Variants in TACR1 observed in about 807,000 individuals in gnomAD.
TACR1 encodes substance-P receptor.
TACR1 carries 25 observed loss-of-function variants against 35.8 expected under a neutral mutation model. The ratio of observed to expected loss-of-function variants is 0.70; its 90% CI spans 0.51 to 0.98. The LOEUF is 0.98. Ranked by LOEUF, TACR1 falls within the 50% of genes least tolerant of loss-of-function variation. TACR1 has a pLI of 0.00. For synonymous variants in TACR1, 195 were observed against 206.7 expected (o/e 0.94, Z 0.48); for missense variants, 478 against 522.9 (o/e 0.91, Z 0.84).
At position 75,049,823 on chromosome 2, in the gene TACR1, G is replaced by C. The variant is rs1558535805; in HGVS notation, c.933-100C>G. 5.4e-6 allele frequency: 7 copies of C among 1,296,102 alleles called. No individual in the cohort carries two copies. The Admixed American group carries it at 1.3e-4, about 24-fold the overall frequency. 80.3% of individuals were successfully genotyped at this position (1,296,102 alleles called of 1,614,324 possible). A position where few individuals can be genotyped will look rare whatever the true frequency, so the allele number is the denominator to read the frequency against. On this transcript the variant is annotated intron_variant, in intron 4 of 4. Transcript: ENST00000305249. Reference sequence around the variant, plus strand: ...TGTTAACACATGGACATACCCAAGCGTGATTCTGTTATTGTTTTTAAAATT... The same window carrying C: ...TGTTAACACATGGACATACCCAAGCCTGATTCTGTTATTGTTTTTAAAATT...
At chr2:75,139,454 A>G (rs569445167) in intron 1 of TACR1, among the ~76,000 whole-genome samples, 41 of 152,324 alleles carry the variant, frequency 2.7e-4, no homozygotes, top group African/African-American at 9.6e-4. Flanking sequence ...AGGAGAATCT[A>G]TGCTGGCTGG....
chr2:75,137,505 C>T (rs1674316435), intron 1 of TACR1, among the ~76,000 whole-genome samples: 1 of 151,808 alleles, frequency 6.6e-6, no homozygotes, highest in Non-Finnish European at 1.5e-5. Flanking sequence ...GTGGGCGGAT[C>T]ACGAGGTCAG....
At chr2:75,094,859 A>ATATATATATATATATATATTTTTTTT in intron 2 of TACR1, among the ~76,000 whole-genome samples, 2 of 113,106 alleles carry the variant, frequency 1.8e-5, no homozygotes, top group African/African-American at 9.6e-5. Flanking sequence ...ATATATATAT[A>ATATATATATATATATATATTTTTTTT]TTTTTTTTTT....
At chr2:75,100,879 A>G (rs1673522804) in intron 2 of TACR1, among the ~76,000 whole-genome samples, 1 of 152,234 alleles carries the variant, frequency 6.6e-6, no homozygotes, top group Non-Finnish European at 1.5e-5. Flanking sequence ...TTGGTAACAT[A>G]AATGTGTCCC....
At chr2:75,050,089 A>T (rs912944639) in intron 4 of TACR1, among the ~76,000 whole-genome samples, 3 of 152,222 alleles carry the variant, frequency 2.0e-5, no homozygotes, top group African/African-American at 7.2e-5. Flanking sequence ...TGTGCTAGTT[A>T]CTGGGTGGTA....
intron 1 of TACR1, among the ~76,000 whole-genome samples, chr2:75,125,802 C>T (rs1674060375): frequency 6.6e-6 from 1 of 152,160 alleles, no homozygotes. Flanking sequence ...CTGGAATTGG[C>T]TCTTCAGAAT....
rs1216944771 is a variant in TACR1, at chr2:75,067,097, C to A, written c.585-13342G>T. 7.2e-5 allele frequency among the ~76,000 whole-genome samples: 11 copies of A among 152,220 alleles called. No homozygotes were observed. In the East Asian group the frequency reaches 1.7e-3, roughly 24 times the overall value. ...TTGAATGGAGAGGGTCCGAGGGGAG[C>A]AGTGGGAGATTATGAGAGCAGGAGG... is the stretch of plus-strand genomic sequence containing the variant. On this transcript the variant is annotated intron_variant, in intron 2 of 4. Transcript: ENST00000305249.
intron 2 of TACR1, among the ~76,000 whole-genome samples, chr2:75,109,282 G>GGA (rs1478408405): frequency 6.6e-6 from 1 of 152,120 alleles, no homozygotes; most frequent in Non-Finnish European, 1.5e-5. Flanking sequence ...GACTAATGAG[G>GGA]GAGAGGGCAG....
chr2:75,116,485 T>C (rs1470281900), intron 2 of TACR1, among the ~76,000 whole-genome samples: 1 of 152,188 alleles, frequency 6.6e-6, no homozygotes, highest in Non-Finnish European at 1.5e-5. Context: ...TTAAGAGCAA[T>C]GCTGATGGGA....
At chr2:75,163,225 C>CA (rs1235456396) in intron 1 of TACR1, among the ~76,000 whole-genome samples, 1 of 152,218 alleles carries the variant, frequency 6.6e-6, no homozygotes, top group Non-Finnish European at 1.5e-5. Flanking sequence ...GGAGAGCAAG[C>CA]ACCAAAGTGC....
intron 1 of TACR1, among the ~76,000 whole-genome samples, chr2:75,135,297 T>C (rs1674256446): frequency 6.6e-6 from 1 of 152,248 alleles, no homozygotes; most frequent in South Asian, 2.1e-4. Flanking sequence ...TAAGGATTGA[T>C]AGTATTTACT....
chr2:75,166,758 T>C (rs1041708184), intron 1 of TACR1, among the ~76,000 whole-genome samples: 1 of 152,170 alleles, frequency 6.6e-6, no homozygotes, highest in Non-Finnish European at 1.5e-5. Context: ...CCTCTTTTAT[T>C]TGGTTCAGGT....
chr2:75,150,033 G>A (rs2103963345), intron 1 of TACR1, among the ~76,000 whole-genome samples: 1 of 152,256 alleles, frequency 6.6e-6, no homozygotes, highest in Non-Finnish European at 1.5e-5. Context: ...TTTATGTGAT[G>A]GATTATGCTT....
At chr2:75,051,181 G>A (rs1234780707) in intron 4 of TACR1, 70 bp downstream of exon 4, 3 of 1,600,616 alleles carry the variant, frequency 1.9e-6, no homozygotes, top group Non-Finnish European at 2.6e-6. Flanking sequence ...CATTTAGGAT[G>A]GCCGCTTGGC....
intron 3 of TACR1, among the ~76,000 whole-genome samples, chr2:75,053,135 A>G (rs1233014468): frequency 6.6e-6 from 1 of 152,152 alleles, no homozygotes; most frequent in Non-Finnish European, 1.5e-5. Context: ...GAGCTGCTCC[A>G]TCACTGCAAA....
At position 75,105,213 on chromosome 2, in the gene TACR1, A is replaced by G. The variant is rs185307795; in HGVS notation, c.584+15361T>C. 2.0e-5 allele frequency among the ~76,000 whole-genome samples: 3 copies of G among 152,244 alleles called. No homozygotes were observed. The East Asian group carries it at 5.8e-4, about 29-fold the overall frequency. On this transcript the variant is annotated intron_variant, in intron 2 of 4. Coordinates refer to ENST00000305249, the MANE Select transcript of TACR1 (RefSeq NM_001058.4). Reference sequence around the variant, plus strand: ...GAATATGATTCAGCTTTAAAAAAGAAGATGCTTTCATGTGTGACAACATGG... The same window carrying G: ...GAATATGATTCAGCTTTAAAAAAGAGGATGCTTTCATGTGTGACAACATGG...
chr2:75,188,354 C>T (rs1402923705), intron 1 of TACR1: 3 of 152,160 alleles, frequency 2.0e-5, no homozygotes, highest in Non-Finnish European at 4.4e-5. Flanking sequence ...CTCCTAATCT[C>T]CTCACGTGCC....
chr2:75,148,187 C>T (rs538971496), intron 1 of TACR1, among the ~76,000 whole-genome samples: 1 of 152,234 alleles, frequency 6.6e-6, no homozygotes, highest in East Asian at 1.9e-4. Context: ...CATACGTATG[C>T]ATGTATCTTT....
At chr2:75,151,084 T>G (rs1674659453) in intron 1 of TACR1, among the ~76,000 whole-genome samples, 1 of 152,218 alleles carries the variant, frequency 6.6e-6, no homozygotes, top group Non-Finnish European at 1.5e-5. Context: ...TGGATGCTGT[T>G]AAAGGCATTC....
Sources: gnomAD v4.1 joint callset for allele counts (sites outside exome capture counted in the v4.1 genomes callset) on GRCh38, gnomAD v4.1.1 for gene constraint, MANE v1.5 for transcripts, NCBI Gene and HGNC (gene_info 2026-07-23, HGNC 2026-07-21) for gene names.